Variants in NPTN observed in about 807,000 individuals in gnomAD.
NPTN encodes SDR-1.
Under a neutral mutation model 42.7 loss-of-function variants are expected in NPTN, and 5 were observed. That is an observed-to-expected ratio of 0.12 (90% CI 0.06 to 0.25). The LOEUF is 0.25. Ranked by LOEUF, NPTN falls within the 10% of genes least tolerant of loss-of-function variation. The pLI is 1.00. For missense variants in NPTN, 307 were observed against 525.4 expected (o/e 0.58, Z 4.06); for synonymous variants, 180 against 201.9 (o/e 0.89, Z 0.92).
intron 1 of NPTN, among the ~76,000 whole-genome samples, chr15:73,625,318 G>T (rs1196804966): frequency 6.6e-6 from 1 of 151,758 alleles, no homozygotes; most frequent in African/African-American, 2.4e-5. Context: ...CTCTATCTGG[G>T]TCACAGACAA....
intron 1 of NPTN, among the ~76,000 whole-genome samples, chr15:73,613,431 C>G (rs1246287154): frequency 6.6e-6 from 1 of 152,092 alleles, no homozygotes; most frequent in African/African-American, 2.4e-5. Flanking sequence ...ATTCAAGGCC[C>G]TACTGCTCCA....
intron 1 of NPTN, among the ~76,000 whole-genome samples, chr15:73,626,114 C>T (rs557219292): frequency 1.8e-4 from 27 of 152,142 alleles, no homozygotes; most frequent in Non-Finnish European, 3.4e-4. Context: ...CAAACTTTCT[C>T]GAAAGATAAC....
At chr15:73,595,601 T>G (rs1025403944) in intron 2 of NPTN, among the ~76,000 whole-genome samples, 2 of 152,232 alleles carry the variant, frequency 1.3e-5, no homozygotes, top group African/African-American at 4.8e-5. Flanking sequence ...ACCAAATTCC[T>G]CATCAAAGTA....
At chr15:73,624,946 C>G (rs60419012) in intron 1 of NPTN, among the ~76,000 whole-genome samples, 1 of 152,026 alleles carries the variant, frequency 6.6e-6, no homozygotes, top group Non-Finnish European at 1.5e-5. Flanking sequence ...GAAAAAAAAT[C>G]GCTATATATA....
chr15:73,596,503 G>C (rs899677265), intron 2 of NPTN, among the ~76,000 whole-genome samples: 3 of 152,158 alleles, frequency 2.0e-5, no homozygotes, highest in African/African-American at 7.2e-5. Context: ...CAGCTACTTA[G>C]AGAGCTTCAA....
At chr15:73,603,943 T>C (rs1390750977) in intron 1 of NPTN, among the ~76,000 whole-genome samples, 1 of 152,204 alleles carries the variant, frequency 6.6e-6, no homozygotes, top group African/African-American at 2.4e-5. Context: ...AGGGTAGTTG[T>C]GAAAATCATG....
At chr15:73,567,507 T>C in intron 6 of NPTN, 1 of 985,302 alleles carries the variant, frequency 1.0e-6, no homozygotes, top group African/African-American at 1.7e-5. Context: ...GAGAAGCACA[T>C]GGGAAGGAAG....
At chr15:73,622,043 T>C (rs1233704055) in intron 1 of NPTN, among the ~76,000 whole-genome samples, 2 of 151,954 alleles carry the variant, frequency 1.3e-5, no homozygotes, top group East Asian at 1.9e-4. Context: ...TCACATCCCA[T>C]AGGAGACTGA....
chr15:73,573,555 C>T, intron 5 of NPTN, 107 bp downstream of exon 5: 1 of 1,272,766 alleles, frequency 7.9e-7, no homozygotes, highest in African/African-American at 1.5e-5. Flanking sequence ...GTGACCCTCG[C>T]CATGCACACA....
In NPTN at chr15:73,584,140, C is replaced by T. The variant is rs76267074; in HGVS notation, c.706+3384G>A. 7.1e-3 allele frequency among the ~76,000 whole-genome samples: 1,078 copies of T among 152,244 alleles called. 3 individuals carry two copies. Among genetic ancestry groups the T allele is most frequent in the Non-Finnish European group, 0.013 (866 of 68,020 alleles). ...GGAGGGTGAGATGAACCTAGTAAGACAACAGGCTCAACCCCCTTCTGGGCT... is the reference window on the plus strand; with the variant it reads ...GGAGGGTGAGATGAACCTAGTAAGATAACAGGCTCAACCCCCTTCTGGGCT... On this transcript the variant is annotated intron_variant, in intron 4 of 8. Transcript: ENST00000345330.
chr15:73,597,091 T>C lies in NPTN; in HGVS notation c.370A>G (p.Arg124Gly), dbSNP rs1367717437. ...GAGGGGTTTTGCCTCAAGTCATTCCTCTTGGGGTCGTTGCTGGCCCTGCAC... is the reference window on the plus strand; with the variant it reads ...GAGGGGTTTTGCCTCAAGTCATTCCCCTTGGGGTCGTTGCTGGCCCTGCAC... ...YECRASNDPK[R>G]NDLRQNPSIT... Residue 124 changes from arginine to glycine, a missense_variant, in exon 2 of 9, where the codon AGG (arginine) becomes GGG (glycine). Transcript: ENST00000345330. The surrounding 1 kb of genome is among the most constrained non-coding windows in gnomAD (Gnocchi z 6.3). 6.2e-7 allele frequency: 1 copy of C among 1,614,146 alleles called. No homozygotes were observed. Among genetic ancestry groups the C allele is most frequent in the Non-Finnish European group, 8.5e-7 (1 of 1,180,016 alleles).
At chr15:73,593,866 G>A (rs888621689) in intron 2 of NPTN, among the ~76,000 whole-genome samples, 1 of 152,178 alleles carries the variant, frequency 6.6e-6, no homozygotes, top group African/African-American at 2.4e-5. Context: ...TAAGACAGAA[G>A]CAGATGCATG....
intron 4 of NPTN, among the ~76,000 whole-genome samples, chr15:73,580,556 A>G: frequency 7.0e-6 from 1 of 142,602 alleles, no homozygotes; most frequent in South Asian, 2.1e-4. Context: ...ATATGTATAT[A>G]TGTATATACA....
chr15:73,627,236 T>TA (rs887920737), intron 1 of NPTN, among the ~76,000 whole-genome samples: 9 of 151,632 alleles, frequency 5.9e-5, no homozygotes, highest in East Asian at 1.9e-4. Flanking sequence ...ACTCCATCTT[T>TA]AAAAAAAAAT....
Position 73,599,854 on chromosome 15 carries a change from C to T in NPTN, c.92-2485G>A, listed in dbSNP as rs151124085. Among the ~76,000 whole-genome samples, 470 of 152,186 alleles carry T rather than the reference C, an allele frequency of 3.1e-3. 2 individuals are homozygous for T. Among genetic ancestry groups the T allele is most frequent in the African/African-American group, 0.011 (448 of 41,506 alleles). On this transcript the variant is annotated intron_variant, in intron 1 of 8. Transcript: ENST00000345330. Reference sequence around the variant, plus strand: ...TTGGGGAGTTACAGCCTCTCAAATGCGGTAATTATGTACTCGATTATGCCC... The same window carrying T: ...TTGGGGAGTTACAGCCTCTCAAATGTGGTAATTATGTACTCGATTATGCCC...
chr15:73,612,485 T>A (rs1897639078), intron 1 of NPTN, among the ~76,000 whole-genome samples: 1 of 150,900 alleles, frequency 6.6e-6, no homozygotes, highest in Admixed American at 6.6e-5. Flanking sequence ...TCTATCAGAC[T>A]GGCCAGGCGC....
At chr15:73,583,706 T>C (rs1032380256) in intron 4 of NPTN, among the ~76,000 whole-genome samples, 5 of 152,186 alleles carry the variant, frequency 3.3e-5, no homozygotes, top group African/African-American at 4.8e-5. Flanking sequence ...CAATTCTGAG[T>C]CAGAAGCAGG....
chr15:73,612,747 C>A (rs1238034516), intron 1 of NPTN, among the ~76,000 whole-genome samples: 1 of 151,976 alleles, frequency 6.6e-6, no homozygotes, highest in African/African-American at 2.4e-5. Flanking sequence ...CCAGCCTGGG[C>A]GACAGAGCCA....
chr15:73,617,857 A>T (rs1349066774), intron 1 of NPTN, among the ~76,000 whole-genome samples: 1 of 152,208 alleles, frequency 6.6e-6, no homozygotes, highest in Non-Finnish European at 1.5e-5. Flanking sequence ...CTACAGCAAG[A>T]ACTACTACTT....
Sources: gnomAD v4.1 joint callset for allele counts (sites outside exome capture counted in the v4.1 genomes callset) on GRCh38, gnomAD v4.1.1 for gene constraint, Gnocchi (gnomAD v3.1) non-coding constraint, MANE v1.5 for transcripts, NCBI Gene and HGNC (gene_info 2026-07-23, HGNC 2026-07-21) for gene names.